STARD13: variants seen among roughly 807,000 people sequenced by gnomAD.
The protein encoded by STARD13 is StAR related lipid transfer domain containing 13.
In STARD13, 62 loss-of-function variants were observed where a neutral mutation model predicts 106.4. The observed-to-expected ratio is 0.58, with a 90% CI of 0.48 to 0.72. The LOEUF (loss-of-function observed/expected upper bound fraction) is 0.72. Ranked by LOEUF, STARD13 falls within the 30% of genes least tolerant of loss-of-function variation. STARD13 has a pLI of 0.00. For synonymous variants in STARD13, 565 were observed against 553.0 expected, an observed-to-expected ratio of 1.02 and a Z score of -0.31; for missense variants, 1,387 against 1,424.0, an observed-to-expected ratio of 0.97 and a Z score of 0.42.
At chr13:33,487,605 T>A in the STARD13 span, among the ~76,000 whole-genome samples, 5 of 152,178 alleles carry the variant, frequency 3.3e-5, no homozygotes, top group East Asian at 5.8e-4. Flanking sequence ...CCCGGTGCAC[T>A]CACATCATTA....
intron 1 of STARD13, among the ~76,000 whole-genome samples, chr13:33,230,554 T>A (rs972292926): frequency 1.3e-5 from 2 of 152,250 alleles, no homozygotes; most frequent in Non-Finnish European, 2.9e-5. Flanking sequence ...CATAATCTTC[T>A]TTTGTAAGCT....
At chr13:33,398,780 A>G in the STARD13 span, among the ~76,000 whole-genome samples, 1 of 152,242 alleles carries the variant, frequency 6.6e-6, no homozygotes, top group Non-Finnish European at 1.5e-5. Flanking sequence ...AGGATGTACC[A>G]CAACTGGAAC....
intron 1 of STARD13, among the ~76,000 whole-genome samples, chr13:33,194,179 C>T (rs988706896): frequency 6.6e-6 from 1 of 152,058 alleles, no homozygotes; most frequent in Non-Finnish European, 1.5e-5. Context: ...CTAAACTTAG[C>T]AGAAAAGTCA....
At chr13:33,160,934 GA>G (rs1882546625) in intron 3 of STARD13, among the ~76,000 whole-genome samples, 1 of 152,148 alleles carries the variant, frequency 6.6e-6, no homozygotes, top group South Asian at 2.1e-4. Flanking sequence ...TCAAAGAAAT[GA>G]AAACTTAAAT....
the STARD13 span, among the ~76,000 whole-genome samples, chr13:33,396,533 T>G: frequency 6.6e-6 from 1 of 152,120 alleles, no homozygotes; most frequent in African/African-American, 2.4e-5. Flanking sequence ...AAAGCACACA[T>G]AGTAAAGGAA....
At chr13:33,197,350 G>T (rs1171801128) in intron 1 of STARD13, among the ~76,000 whole-genome samples, 1 of 151,986 alleles carries the variant, frequency 6.6e-6, no homozygotes, top group East Asian at 1.9e-4. Context: ...TTTAGGCAGG[G>T]TTAATTATTG....
At chr13:33,190,398 G>A (rs1886158650) in intron 1 of STARD13, among the ~76,000 whole-genome samples, 1 of 152,032 alleles carries the variant, frequency 6.6e-6, no homozygotes, top group Admixed American at 6.5e-5. Context: ...TCCAGCCAGG[G>A]TCACAGAGAA....
chr13:33,588,491 C>T, the STARD13 span, among the ~76,000 whole-genome samples: 1 of 152,112 alleles, frequency 6.6e-6, no homozygotes, highest in Non-Finnish European at 1.5e-5. Flanking sequence ...GTAAAAAAGC[C>T]ATCATCTAAT....
the STARD13 span, among the ~76,000 whole-genome samples, chr13:33,600,063 G>A: frequency 3.3e-5 from 5 of 152,146 alleles, no homozygotes; most frequent in Non-Finnish European, 7.4e-5. Context: ...GCCACCTGAT[G>A]GGATGCAATT....
chr13:33,525,258 A>C, the STARD13 span, among the ~76,000 whole-genome samples: 1 of 152,082 alleles, frequency 6.6e-6, no homozygotes, highest in African/African-American at 2.4e-5. Context: ...CCTGGGCTCA[A>C]GTGATCCTCC....
At chr13:33,527,397 A>G in the STARD13 span, among the ~76,000 whole-genome samples, 1 of 152,106 alleles carries the variant, frequency 6.6e-6, no homozygotes, top group Admixed American at 6.6e-5. Flanking sequence ...ACTACAGTCA[A>G]CTTTACTAAT....
chr13:33,651,506 G>T, the STARD13 span, among the ~76,000 whole-genome samples: 3 of 152,146 alleles, frequency 2.0e-5, no homozygotes, highest in Non-Finnish European at 4.4e-5. Flanking sequence ...AAAATATCTG[G>T]TTTGGACAAT....
the STARD13 span, among the ~76,000 whole-genome samples, chr13:33,407,815 G>C: frequency 6.6e-6 from 1 of 152,204 alleles, no homozygotes; most frequent in East Asian, 1.9e-4. Flanking sequence ...CAGGGATATT[G>C]GTGGTAGCGA....
rs202115186 is a variant in STARD13 at position 33,201,056 on chromosome 13, TAAAC to T, written c.170-33438_170-33435del. Reference sequence around the variant, plus strand: ...TAAAAAATAAAAATAAACAAATAAATAAACAAATAAAAATAAAAATAAAAAAATA... The same window carrying T: ...TAAAAAATAAAAATAAACAAATAAATAAATAAAAATAAAAATAAAAAAATA... On this transcript the variant is annotated intron_variant, in intron 1 of 13. Transcript: ENST00000336934. Among the ~76,000 whole-genome samples the T allele has an allele frequency of 9.5e-4, 139 of 147,030 alleles. 1 individual carries two copies. The East Asian group carries it at 0.025, about 27-fold the overall frequency.
chr13:33,448,073 CATA>C, the STARD13 span, among the ~76,000 whole-genome samples: 54 of 152,124 alleles, frequency 3.5e-4, 1 homozygote, highest in African/African-American at 1.3e-3. Context: ...TTTATTGATA[CATA>C]ATAATTGTAC....
chr13:33,651,550 C>T, the STARD13 span, among the ~76,000 whole-genome samples: 2 of 152,148 alleles, frequency 1.3e-5, no homozygotes, highest in South Asian at 2.1e-4. Context: ...AACAACAGCT[C>T]ATTAAACTTT....
At chr13:33,637,569 C>G in the STARD13 span, among the ~76,000 whole-genome samples, 3 of 152,172 alleles carry the variant, frequency 2.0e-5, no homozygotes, top group African/African-American at 4.8e-5. Flanking sequence ...TCTCTGTGCT[C>G]ATTGGGAACT....
chr13:33,358,034 G>A, the STARD13 span, among the ~76,000 whole-genome samples: 8 of 152,236 alleles, frequency 5.3e-5, no homozygotes, highest in Non-Finnish European at 1.0e-4. Flanking sequence ...GCCAGCTGGA[G>A]TTCCGGGTGG....
At chr13:33,157,301 G>GTGC (rs377684447) in intron 3 of STARD13, among the ~76,000 whole-genome samples, 102 of 152,258 alleles carry the variant, frequency 6.7e-4, no homozygotes, top group African/African-American at 2.3e-3. Context: ...TGTTTTGCAT[G>GTGC]TGCTATAATT....
Sources: allele counts gnomAD v4.1 joint callset (sites outside exome capture counted in the v4.1 genomes callset), GRCh38; gene constraint gnomAD v4.1.1; transcripts MANE v1.5; gene names NCBI Gene and HGNC (gene_info 2026-07-23, HGNC 2026-07-21).